SPG7: variants seen among roughly 807,000 people sequenced by gnomAD.
The protein encoded by SPG7 is mitochondrial inner membrane m-AAA protease component paraplegin.
Under a neutral mutation model 81.9 loss-of-function variants are expected in SPG7, and 103 were observed. That is an observed-to-expected ratio of 1.26 (90% CI 1.07 to 1.48). The LOEUF is 1.48. Among genes scored for constraint, SPG7 ranks in the 40% most tolerant of loss-of-function variants. The pLI is 0.00. For synonymous variants in SPG7, 534 were observed against 444.2 expected (o/e 1.20, Z -2.54); for missense variants, 1,241 against 1,087.3 (o/e 1.14, Z -1.99).
At position 89,524,368 on chromosome 16, in the gene SPG7, G is replaced by C. The variant is rs1186256052; in HGVS notation, c.618+121G>C. On this transcript the variant is annotated intron_variant, in intron 4 of 16. Coordinates refer to ENST00000645818, the MANE Select transcript of SPG7 (RefSeq NM_003119.4). ...GGCGCTGGCTGTTGCCATCCTTTTG[G>C]ATACCTGTGATTGAGGGCATGCTTC... 3.6e-6 allele frequency: 4 copies of C among 1,104,258 alleles called. No individual in the cohort carries two copies. The African/African-American group carries it at 6.2e-5, about 17-fold the overall frequency. The allele number at this position is 1,104,258 out of a possible 1,614,324, so 68.4% of individuals were successfully genotyped here.
intron 9 of SPG7, among the ~76,000 whole-genome samples, chr16:89,534,826 C>T (rs11649090): frequency 0.13 from 19,868 of 152,310 alleles, 1,661 homozygotes; most frequent in Middle Eastern, 0.21. Context: ...GACTGCCCCC[C>T]AGACCCATCC....
intron 9 of SPG7, among the ~76,000 whole-genome samples, chr16:89,536,451 C>G (rs1317199949): frequency 1.0e-5 from 1 of 100,070 alleles, no homozygotes; most frequent in South Asian, 3.9e-4. Context: ...TGAGGACTCT[C>G]GGTGAGGCGG....
At chr16:89,540,810 C>T in intron 9 of SPG7, 1 of 827,012 alleles carries the variant, frequency 1.2e-6, no homozygotes, top group South Asian at 5.5e-5. Flanking sequence ...GTGCTCATCC[C>T]AGGAAAGCAA....
At chr16:89,539,653 G>A (rs1421673310) in intron 9 of SPG7, 1 of 152,132 alleles carries the variant, frequency 6.6e-6, no homozygotes, top group Non-Finnish European at 1.5e-5. Flanking sequence ...TGCAGCCTCA[G>A]CCTCTGGGAC....
At chr16:89,547,707 G>A (rs2058581073) in intron 11 of SPG7, 1 of 398,830 alleles carries the variant, frequency 2.5e-6, no homozygotes, top group Non-Finnish European at 4.8e-6. Flanking sequence ...CCGCCTCCTG[G>A]GTTCAACCGA....
At position 89,536,745 on chromosome 16, in the gene SPG7, C is replaced by A. The variant is rs199969908; in HGVS notation, c.1324+4109C>A. On this transcript the variant is annotated intron_variant, in intron 9 of 16. Coordinates refer to ENST00000645818, the MANE Select transcript of SPG7 (RefSeq NM_003119.4). The stretch of plus-strand genomic sequence containing the variant: ...CCAAGGTCTTCGTCCTGTGAGTCTG[C>A]GGCCTTCTTCTCCAACCAGGTGCCT... 9.2e-4 allele frequency: 1,483 copies of A among 1,613,232 alleles called. 2 individuals are homozygous for A. Among genetic ancestry groups the A allele is most frequent in the Non-Finnish European group, 1.2e-3 (1,405 of 1,179,942 alleles).
chr16:89,524,229 C>G lies in SPG7; in HGVS notation c.600C>G (p.Ala200=), dbSNP rs775643030. The G allele has an allele frequency of 6.2e-7, 1 of 1,611,318 alleles. No homozygotes were observed. Among genetic ancestry groups the G allele is most frequent in the Non-Finnish European group, 8.5e-7 (1 of 1,178,818 alleles). Residue 200 remains alanine (A), a synonymous_variant, in exon 4 of 17, where the codon GCC becomes GCG. Transcript: ENST00000645818. ...TGGAAGTCTACCTGCACCCTGGAGC[C>G]GTGGTGTTTGGGCGGCCTGTGAGTG... ...DVVEVYLHPG[A]VVFGRPRLAL...
chr16:89,539,492 C>A (rs1223931394), intron 9 of SPG7: 1 of 152,178 alleles, frequency 6.6e-6, no homozygotes, highest in Non-Finnish European at 1.5e-5. Flanking sequence ...AAGAGCGAAA[C>A]TCCTTCTCAA....
intron 1 of SPG7, among the ~76,000 whole-genome samples, chr16:89,509,364 C>T (rs1406482074): frequency 6.6e-6 from 1 of 151,948 alleles, no homozygotes; most frequent in Admixed American, 6.6e-5. Flanking sequence ...GATTCTCCTG[C>T]CTCAGCCTCC....
rs80199989 is a variant in SPG7, at chr16:89,512,936, T to C, written c.287-12T>C. ...AAACTTAATTGTTAAATCCTTTCTCTATTTCTCATAGGTGGTACTTTCTAT... is the reference window on the plus strand; with the variant it reads ...AAACTTAATTGTTAAATCCTTTCTCCATTTCTCATAGGTGGTACTTTCTAT... On this transcript the variant is annotated splice_polypyrimidine_tract_variant and intron_variant, in intron 2 of 16. Transcript: ENST00000645818. 3.6e-5 allele frequency: 58 copies of C among 1,612,506 alleles called. No homozygotes were observed. The East Asian group carries it at 1.2e-3, about 35-fold the overall frequency.
chr16:89,541,751 T>C (rs921681078), intron 9 of SPG7: 1 of 152,222 alleles, frequency 6.6e-6, no homozygotes, highest in Non-Finnish European at 1.5e-5. Context: ...AATACAAAAC[T>C]TAAAAAGTCA....
rs370973066 is a variant in SPG7 at position 89,554,558 on chromosome 16, C to G, written c.2176C>G (p.Gln726Glu). 2.5e-5 allele frequency: 40 copies of G among 1,607,950 alleles called. No individual in the cohort carries two copies. Among genetic ancestry groups the G allele is most frequent in the Non-Finnish European group, 2.9e-5 (34 of 1,179,168 alleles). ...GCTGCAGGACAACCTGGACAAGTTG[C>G]AGGCGGTGAGGCCCTGGCCAGGCGT... ...KVLQDNLDKL[Q>E]ALANALLEKE... Residue 726 changes from glutamine to glutamate, a missense_variant, in exon 16 of 17, where the codon CAG becomes GAG. Physicochemically the swap from Gln to Glu is conservative, Grantham distance 29. Transcript: ENST00000645818.
chr16:89,534,718 C>T (rs910818484), intron 9 of SPG7, among the ~76,000 whole-genome samples: 3 of 152,218 alleles, frequency 2.0e-5, no homozygotes, highest in Admixed American at 6.5e-5. Context: ...AGCGTTGCCA[C>T]GGTAGTCAGA....
intron 12 of SPG7, chr16:89,549,319 G>A (rs2058605863): frequency 2.3e-6 from 1 of 433,790 alleles, no homozygotes; most frequent in African/African-American, 2.0e-5. Context: ...ATCTGAGACA[G>A]GAAATGAAGC....
rs1433673841 is a variant in SPG7 at position 89,556,887 on chromosome 16, C to G, written c.2182C>G (p.Leu728Val). The G allele has an allele frequency of 1.4e-5, 23 of 1,612,680 alleles. No homozygotes were observed. Among genetic ancestry groups the G allele is most frequent in the Non-Finnish European group, 1.9e-5 (22 of 1,178,874 alleles). ...ACACTGCTATGCCTGTTCTTTCTAG[C>G]TGGCAAACGCCCTTCTGGAAAAGGA... ...LQDNLDKLQA[L>V]ANALLEKEVI... Residue 728 changes from leucine to valine, a missense_variant and splice_region_variant, in exon 17 of 17, where the codon CTG becomes GTG. Physicochemically the swap from Leu to Val is conservative, Grantham distance 32. Coordinates refer to ENST00000645818, the MANE Select transcript of SPG7 (RefSeq NM_003119.4).
rs555862457 is a variant in SPG7 at position 89,532,283 on chromosome 16, C to G, written c.1151-180C>G. Among the ~76,000 whole-genome samples the G allele has an allele frequency of 4.9e-4, 74 of 152,260 alleles. 1 individual carries two copies. The highest frequency in any genetic ancestry group is 6.8e-3 in the Middle Eastern group (2 of 294). On this transcript the variant is annotated intron_variant, in intron 8 of 16. Coordinates refer to ENST00000645818, the MANE Select transcript of SPG7 (RefSeq NM_003119.4). ...TGTGGCCTGGGGGGCCAGCACGGTGCGTGTGAACCCTGAGGGGTGGCCAGG... is the reference window on the plus strand; with the variant it reads ...TGTGGCCTGGGGGGCCAGCACGGTGGGTGTGAACCCTGAGGGGTGGCCAGG...
chr16:89,547,708 G>A lies in SPG7; in HGVS notation c.1553-295G>A, dbSNP rs139729102. The A allele has an allele frequency of 1.8e-4, 71 of 400,500 alleles. 1 individual carries two copies. Among genetic ancestry groups the A allele is most frequent in the Middle Eastern group, 1.6e-3 (2 of 1,216 alleles). The allele number at this position is 400,500 out of a possible 1,614,324, so 24.8% of individuals were successfully genotyped here. A position where few individuals can be genotyped will look rare whatever the true frequency, so the allele number is the denominator to read the frequency against. On this transcript the variant is annotated intron_variant, in intron 11 of 16. Transcript: ENST00000645818. ...GCTCCCCGCAGCCTCCGCCTCCTGG[G>A]TTCAACCGATTTTCCTGCCTCAGCC... is the stretch of plus-strand genomic sequence containing the variant.
In SPG7 at chr16:89,510,471, GTT is replaced by G. The variant is rs5818722; in HGVS notation, c.184-5_184-4del. The G allele has an allele frequency of 0.011, 12,629 of 1,172,020 alleles. 7 individuals carry two copies. The highest frequency in any genetic ancestry group is 0.031 in the East Asian group (1,226 of 39,512). 72.6% of individuals were successfully genotyped at this position (1,172,020 alleles called of 1,614,324 possible). Reference sequence around the variant, plus strand: ...TAATGTTGGTGTGACCTCCAGTATTGTTTTTTTTTTTTTTTCAGAGCTTACAA... The same window carrying G: ...TAATGTTGGTGTGACCTCCAGTATTGTTTTTTTTTTTTTCAGAGCTTACAA... On this transcript the variant is annotated splice_polypyrimidine_tract_variant and intron_variant, in intron 1 of 16. Transcript: ENST00000645818.
intron 12 of SPG7, chr16:89,550,068 G>A: frequency 3.4e-6 from 1 of 290,302 alleles, no homozygotes; most frequent in Non-Finnish European, 6.8e-6. Flanking sequence ...CGCAGCTGCA[G>A]CTCCAAGAGG....
Sources: gnomAD v4.1 joint callset for allele counts (sites outside exome capture counted in the v4.1 genomes callset) on GRCh38, gnomAD v4.1.1 for gene constraint, MANE v1.5 for transcripts, NCBI Gene and HGNC (gene_info 2026-07-23, HGNC 2026-07-21) for gene names.